Variants in PLA2G5 observed in about 807,000 individuals in gnomAD.
The protein encoded by PLA2G5 is Ca2+-dependent phospholipase A2.
PLA2G5 carries 12 observed loss-of-function variants against 15.9 expected under a neutral mutation model. The observed-to-expected ratio is 0.76, with a 90% CI of 0.48 to 1.23. The LOEUF is 1.23. Ranked by LOEUF, PLA2G5 falls within the 50% of genes most tolerant of loss-of-function variation. The pLI is 0.00. For missense variants in PLA2G5, 169 were observed against 177.1 expected, an observed-to-expected ratio of 0.95 and a Z score of 0.26; for synonymous variants, 71 against 71.4, an observed-to-expected ratio of 0.99 and a Z score of 0.03.
intron 3 of PLA2G5, among the ~76,000 whole-genome samples, chr1:20,088,196 A>G (rs1046720729): frequency 6.6e-6 from 1 of 152,210 alleles, no homozygotes; most frequent in Non-Finnish European, 1.5e-5. Flanking sequence ...CATCTCTACT[A>G]AAAATACAAA....
At chr1:20,077,806 G>C (rs756275750) in intron 1 of PLA2G5, among the ~76,000 whole-genome samples, 2 of 152,186 alleles carry the variant, frequency 1.3e-5, no homozygotes, top group Non-Finnish European at 2.9e-5. Context: ...TCTCTCCTAC[G>C]TTGGATCTTG....
intron 1 of PLA2G5, among the ~76,000 whole-genome samples, chr1:20,038,863 G>A (rs2100320522): frequency 6.6e-6 from 1 of 152,336 alleles, no homozygotes; most frequent in East Asian, 1.9e-4. Flanking sequence ...GCAGTCCTGT[G>A]GTTGTTGATG....
intron 1 of PLA2G5, among the ~76,000 whole-genome samples, chr1:20,029,903 A>G (rs994548182): frequency 1.3e-5 from 2 of 152,368 alleles, no homozygotes; most frequent in South Asian, 4.1e-4. Context: ...GCTACACAGA[A>G]AGAAAACAAT....
At chr1:20,036,987 G>T (rs1321794641) in intron 1 of PLA2G5, among the ~76,000 whole-genome samples, 1 of 152,090 alleles carries the variant, frequency 6.6e-6, no homozygotes, top group Non-Finnish European at 1.5e-5. Context: ...CTTTAAGTTG[G>T]TTTTCACCTT....
intron 2 of PLA2G5, among the ~76,000 whole-genome samples, chr1:20,060,723 GTCTT>G (rs1162763926): frequency 1.4e-5 from 2 of 143,014 alleles, no homozygotes; most frequent in Non-Finnish European, 3.0e-5. Flanking sequence ...CATAGAGCAA[GTCTT>G]TCTTTCTTTT....
At position 20,086,155 on chromosome 1, in the gene PLA2G5, T is replaced by C; in HGVS notation, c.113T>C (p.Leu38Pro). Residue 38 changes from leucine to proline, a missense_variant, in exon 3 of 5, where the codon CTG becomes CCG. Leu to Pro is a moderately conservative substitution (Grantham distance 98). Transcript: ENST00000375108. ...GAGAAGGTGACAGGGAAGAACGCCC[T>C]GACAAACTACGGCTTCTACGGCTGT... ...MIEKVTGKNA[L>P]TNYGFYGCYC... is the part of the protein sequence containing the mutation. The C allele has an allele frequency of 6.2e-7, 1 of 1,614,082 alleles. No individual in the cohort carries two copies.
intron 1 of PLA2G5, among the ~76,000 whole-genome samples, chr1:20,071,948 A>G (rs1302910094): frequency 6.6e-6 from 1 of 152,108 alleles, no homozygotes; most frequent in Non-Finnish European, 1.5e-5. Flanking sequence ...TCCCTACTAA[A>G]AATACAAAAA....
chr1:20,089,886 G>A lies in PLA2G5; in HGVS notation c.283G>A (p.Val95Ile). 1 of 1,612,270 alleles carries A rather than the reference G, an allele frequency of 6.2e-7. No homozygotes were observed. Among genetic ancestry groups the A allele is most frequent in the Non-Finnish European group, 8.5e-7 (1 of 1,178,766 alleles). ...SYKYRFAWGV[V>I]TCEPGPFCHV... is the part of the protein sequence containing the mutation. ...CAAATACAGATTCGCGTGGGGCGTGGTCACCTGCGGTAAGGCTGGGGCTTC... is the reference window on the plus strand; with the variant it reads ...CAAATACAGATTCGCGTGGGGCGTGATCACCTGCGGTAAGGCTGGGGCTTC... The change falls in exon 4 of 5, where the codon GTC becomes ATC. Residue 95 changes from valine to isoleucine, a missense_variant. Transcript: ENST00000375108.
intron 2 of PLA2G5, among the ~76,000 whole-genome samples, chr1:20,062,804 G>A (rs1440230091): frequency 6.6e-6 from 1 of 152,096 alleles, no homozygotes; most frequent in Non-Finnish European, 1.5e-5. Flanking sequence ...TGTGTGCCTA[G>A]GGGGCCCATT....
At chr1:20,050,430 A>AAAAT (rs1569683969) in intron 1 of PLA2G5, among the ~76,000 whole-genome samples, 1 of 152,354 alleles carries the variant, frequency 6.6e-6, no homozygotes, top group East Asian at 1.9e-4. Context: ...TTTGAGAGAT[A>AAAAT]AAATAAGTTC....
At chr1:20,073,947 G>A (rs540370511) in intron 1 of PLA2G5, among the ~76,000 whole-genome samples, 13 of 152,120 alleles carry the variant, frequency 8.5e-5, no homozygotes, top group African/African-American at 2.2e-4. Flanking sequence ...CATGTTTCCC[G>A]CCCTCAGATG....
chr1:20,090,732 C>A lies in PLA2G5; in HGVS notation c.*40C>A, dbSNP rs1341678069. 2.5e-6 allele frequency: 4 copies of A among 1,609,066 alleles called. No homozygotes were observed. Among genetic ancestry groups the A allele is most frequent in the Non-Finnish European group, 3.4e-6 (4 of 1,175,586 alleles). ...CTCCTCCCAGACCAAGACTTTTGTTCTGTTTTTCTACAACACAGAGTACTG... is the reference window on the plus strand; with the variant it reads ...CTCCTCCCAGACCAAGACTTTTGTTATGTTTTTCTACAACACAGAGTACTG... On this transcript the variant is annotated 3_prime_UTR_variant, in exon 5 of 5. Transcript: ENST00000375108.
intron 2 of PLA2G5, among the ~76,000 whole-genome samples, chr1:20,060,738 C>CTT (rs5772879): frequency 6.9e-6 from 1 of 144,170 alleles, no homozygotes. Context: ...TCTTTCTTTT[C>CTT]TTTTTTTTTT....
chr1:20,081,734 T>C (rs1557752207), intron 1 of PLA2G5, among the ~76,000 whole-genome samples: 1 of 151,772 alleles, frequency 6.6e-6, no homozygotes, highest in Admixed American at 6.6e-5. Flanking sequence ...CAGTGGGACG[T>C]ATCCATACAG....
intron 1 of PLA2G5, among the ~76,000 whole-genome samples, chr1:20,079,905 C>G (rs1404628105): frequency 6.6e-6 from 1 of 152,148 alleles, no homozygotes; most frequent in Non-Finnish European, 1.5e-5. Flanking sequence ...AAAAGGGCTA[C>G]CACCTGGACG....
intron 1 of PLA2G5, among the ~76,000 whole-genome samples, chr1:20,072,782 G>A (rs1358067952): frequency 6.6e-6 from 1 of 152,158 alleles, no homozygotes; most frequent in Non-Finnish European, 1.5e-5. Context: ...AAAAGAGGAG[G>A]CACCTCCTCT....
chr1:20,070,537 A>C, intron 1 of PLA2G5, 72 bp downstream of exon 1: 3 of 903,388 alleles, frequency 3.3e-6, no homozygotes, highest in Non-Finnish European at 4.0e-6. Context: ...GAGACTGGAG[A>C]AGGGGGTGTG....
At chr1:20,038,774 T>A (rs2013422382) in intron 1 of PLA2G5, among the ~76,000 whole-genome samples, 1 of 152,006 alleles carries the variant, frequency 6.6e-6, no homozygotes, top group Admixed American at 6.6e-5. Flanking sequence ...TGAGACCCTG[T>A]CTCAAAAAAA....
At chr1:20,054,098 A>C (rs190867862) in intron 1 of PLA2G5, among the ~76,000 whole-genome samples, 1 of 150,438 alleles carries the variant, frequency 6.6e-6, no homozygotes, top group Admixed American at 6.7e-5. Flanking sequence ...ATGCTCCTCC[A>C]TGGCCTCAAC....
Sources: allele counts gnomAD v4.1 joint callset (sites outside exome capture counted in the v4.1 genomes callset), GRCh38; gene constraint gnomAD v4.1.1; transcripts MANE v1.5; gene names NCBI Gene and HGNC (gene_info 2026-07-23, HGNC 2026-07-21).